The following COL4A6 variants were observed in gnomAD, a reference collection of about 807,000 sequenced individuals.
COL4A6 encodes the protein collagen alpha-6(IV) chain.
A neutral mutation model predicts 126.7 loss-of-function variants in COL4A6; 59 were observed. That is an observed-to-expected ratio of 0.47 (90% confidence interval 0.38 to 0.58). COL4A6 has a LOEUF of 0.58. Ranked by LOEUF, COL4A6 falls within the 20% of genes least tolerant of loss-of-function variation. The pLI is 0.00. For synonymous variants in COL4A6, 547 were observed against 496.6 expected, an observed-to-expected ratio of 1.10 and a Z score of -1.35; for missense variants, 1,285 against 1,337.3, an observed-to-expected ratio of 0.96 and a Z score of 0.61.
At chrX:108,428,868 A>G (rs1034775883) in intron 2 of COL4A6, among the ~76,000 whole-genome samples, 9 of 111,997 alleles carry the variant, frequency 8.0e-5, no homozygotes, top group Admixed American at 3.8e-4. Context: ...AGAAGGAAAA[A>G]TCAGTGAATA....
chrX:108,173,497 T>C (rs1378117528), intron 31 of COL4A6, among the ~76,000 whole-genome samples: 2 of 104,422 alleles, frequency 1.9e-5, no homozygotes, highest in Admixed American at 1.0e-4. Context: ...TGTGTGTGTG[T>C]GCACGCACAC....
At chrX:108,158,565 CAGA>C (rs2033813362) in intron 44 of COL4A6, among the ~76,000 whole-genome samples, 3 of 112,223 alleles carry the variant, frequency 2.7e-5, no homozygotes, top group Admixed American at 1.9e-4. Flanking sequence ...GTGGACAGGA[CAGA>C]AGGACAGGTG....
chrX:108,350,444 A>G (rs2039812693), intron 2 of COL4A6, among the ~76,000 whole-genome samples: 2 of 111,512 alleles, frequency 1.8e-5, no homozygotes, highest in Non-Finnish European at 3.8e-5. Context: ...TCCCAGACCT[A>G]CTAAAGTCAG....
At chrX:108,385,611 A>G (rs1210359212) in intron 2 of COL4A6, among the ~76,000 whole-genome samples, 2 of 112,079 alleles carry the variant, frequency 1.8e-5, no homozygotes, top group Non-Finnish European at 3.8e-5. Flanking sequence ...AGCAACAATA[A>G]TCAGGACAGT....
chrX:108,297,717 C>T (rs1211257268), intron 3 of COL4A6, among the ~76,000 whole-genome samples: 3 of 111,091 alleles, frequency 2.7e-5, no homozygotes, highest in Non-Finnish European at 3.8e-5. Flanking sequence ...TGTTCTGGGT[C>T]CCTGTGGGCC....
At chrX:108,209,717 T>C (rs746076980) in intron 8 of COL4A6, among the ~76,000 whole-genome samples, 1 of 112,346 alleles carries the variant, frequency 8.9e-6, no homozygotes, top group Admixed American at 9.4e-5. Flanking sequence ...TAGGGGAAAG[T>C]ACATCCCAGT....
At chrX:108,183,979 A>G (rs1370394365) in intron 23 of COL4A6, among the ~76,000 whole-genome samples, 1 of 111,703 alleles carries the variant, frequency 9.0e-6, no homozygotes, top group Non-Finnish European at 1.9e-5. Flanking sequence ...AGCATCTGGA[A>G]CAGAGCCTCT....
chrX:108,172,581 C>A, intron 31 of COL4A6, 49 bp from the exon 32 acceptor site: 1 of 1,040,118 alleles, frequency 9.6e-7, no homozygotes, highest in Non-Finnish European at 1.3e-6. Context: ...CTCAGGACTG[C>A]CCACCCTCTT....
intron 23 of COL4A6, 64 bp from the exon 24 acceptor site, chrX:108,181,032 G>A (rs927944007): frequency 1.7e-5 from 16 of 942,280 alleles, no homozygotes; most frequent in Admixed American, 4.8e-5. Flanking sequence ...TCCCTAGTAC[G>A]CTCCTTTACT....
chrX:108,201,899 T>G (rs758436969), intron 13 of COL4A6, among the ~76,000 whole-genome samples: 1 of 111,438 alleles, frequency 9.0e-6, no homozygotes, highest in African/African-American at 3.3e-5. Context: ...CGGCTTCCCA[T>G]TACATTAAAA....
In COL4A6 at chrX:108,193,681, A is replaced by G. The variant is rs2035126170; in HGVS notation, c.1019T>C (p.Ile340Thr). The G allele has an allele frequency of 8.3e-7, 1 of 1,207,825 alleles. No individual in the cohort carries two copies. The highest frequency in any genetic ancestry group is 1.1e-6 in the Non-Finnish European group (1 of 892,030). Residue 340 changes from isoleucine to threonine, a missense_variant, in exon 17 of 45, where the codon ATT becomes ACT. By Grantham distance (89) the Ile-to-Thr change is moderately conservative. Transcript: ENST00000334504. ...GAAAACATCTGGGCCTGGCAGGCCA[A>G]TGTCACCCTTTTGACCCTGCAAAGA... ...FQGIEGQKGD[I>T]GLPGPDVFID...
At chrX:108,338,032 T>C (rs1270928817) in intron 2 of COL4A6, among the ~76,000 whole-genome samples, 1 of 111,351 alleles carries the variant, frequency 9.0e-6, no homozygotes, top group African/African-American at 3.3e-5. Context: ...CAGATTTTTT[T>C]TTTAATAATG....
Position 108,180,532 on chromosome X carries a change from T to C in COL4A6, c.2114A>G (p.His705Arg). 2 of 1,206,347 alleles carry C rather than the reference T, an allele frequency of 1.7e-6. No individual in the cohort carries two copies. The highest frequency in any genetic ancestry group is 2.2e-6 in the Non-Finnish European group (2 of 893,095). The change falls in exon 25 of 45, where the codon CAT becomes CGT. Residue 705 changes from histidine (H) to arginine (R), a missense_variant. Coordinates refer to ENST00000334504, the MANE Select transcript of COL4A6 (RefSeq NM_033641.4). Reference sequence around the variant, plus strand: ...TTTCTTACCTGGTAATTCAGGAAGATGAACCAATCCTGGACTCCCTGGCTC... The same window carrying C: ...TTTCTTACCTGGTAATTCAGGAAGACGAACCAATCCTGGACTCCCTGGCTC... ...KGEPGSPGLV[H>R]LPELPGFPGP...
At chrX:108,308,316 A>G (rs2038677433) in intron 3 of COL4A6, among the ~76,000 whole-genome samples, 1 of 111,655 alleles carries the variant, frequency 9.0e-6, no homozygotes, top group Admixed American at 9.5e-5. Context: ...ACCTCCGATC[A>G]GATATATAAG....
Position 108,238,104 on chromosome X carries a change from G to A in COL4A6, c.145-16730C>T, listed in dbSNP as rs769671829. Among the ~76,000 whole-genome samples the A allele has an allele frequency of 1.6e-3, 162 of 103,980 alleles. 1 individual carries two copies. In the Middle Eastern group the frequency reaches 0.019, roughly 12 times the overall value. The allele number at this position is 103,980 out of a possible 115,157, so 90.3% of individuals were successfully genotyped here. On this transcript the variant is annotated intron_variant, in intron 3 of 44. Transcript: ENST00000334504. ...TATCTATCTGGTTTTGGGTGTGTGT[G>A]TGTGTGTGTTTTTTTTTTTTGAGAT...
intron 2 of COL4A6, among the ~76,000 whole-genome samples, chrX:108,346,201 T>C (rs773122840): frequency 3.0e-4 from 34 of 111,676 alleles, no homozygotes; most frequent in African/African-American, 1.1e-3. Context: ...TAGAATTTAT[T>C]ATGTGCCAGG....
At chrX:108,221,215 A>G in intron 4 of COL4A6, 25 bp downstream of exon 4, 1 of 1,210,712 alleles carries the variant, frequency 8.3e-7, no homozygotes. Flanking sequence ...TGCATCAAAG[A>G]GAAATCAAGC....
chrX:108,219,422 C>T (rs1041987229), intron 5 of COL4A6, among the ~76,000 whole-genome samples: 2 of 111,663 alleles, frequency 1.8e-5, no homozygotes, highest in East Asian at 5.6e-4. Flanking sequence ...ATCAAAGCTC[C>T]ACTCAACCCA....
At chrX:108,288,519 TG>T (rs1366319728) in intron 3 of COL4A6, among the ~76,000 whole-genome samples, 2 of 111,745 alleles carry the variant, frequency 1.8e-5, no homozygotes, top group East Asian at 5.6e-4. Context: ...GTGTATAGAC[TG>T]GGGCATAATA....
Sources: allele counts gnomAD v4.1 joint callset (sites outside exome capture counted in the v4.1 genomes callset), GRCh38; gene constraint gnomAD v4.1.1; transcripts MANE v1.5; gene names NCBI Gene and HGNC (gene_info 2026-07-23, HGNC 2026-07-21).